The following UBE2G1 variants were observed in gnomAD, a reference collection of about 807,000 sequenced individuals.
The protein encoded by UBE2G1 is ubiquitin conjugating enzyme E2 G1, also known as ubiquitin-conjugating enzyme E2 G1.
Under a neutral mutation model 22.7 loss-of-function variants are expected in UBE2G1, and 5 were observed. That is an observed-to-expected ratio of 0.22 (90% CI 0.12 to 0.46). The LOEUF (loss-of-function observed/expected upper bound fraction) is 0.46, where lower values mean the gene tolerates loss of function less well. Ranked by LOEUF, UBE2G1 falls within the 20% of genes least tolerant of loss-of-function variation. The pLI is 0.99. For missense variants in UBE2G1, 88 were observed against 203.9 expected, an observed-to-expected ratio of 0.43 and a Z score of 3.46; for synonymous variants, 74 against 67.5, an observed-to-expected ratio of 1.10 and a Z score of -0.47.
intron 1 of UBE2G1, chr17:4,364,535 G>T (rs1403695149): frequency 6.6e-6 from 1 of 151,268 alleles, no homozygotes. Context: ...TGATCCGCCC[G>T]CCTCGGCCTC....
intron 2 of UBE2G1, among the ~76,000 whole-genome samples, chr17:4,303,324 A>G (rs1969208537): frequency 6.6e-6 from 1 of 152,246 alleles, no homozygotes; most frequent in Non-Finnish European, 1.5e-5. Context: ...TAGTAACTAC[A>G]AAGTGTCCTT....
In UBE2G1 at chr17:4,325,092, A is replaced by C. The variant is rs752690197; in HGVS notation, c.47-17969T>G. ...ACTCCGTCTCAAAAAAACCAACCAA[A>C]CAAACAAAAAAAACAAAAAACAAAA... On this transcript the variant is annotated intron_variant, in intron 1 of 5. Coordinates refer to ENST00000396981, the MANE Select transcript of UBE2G1 (RefSeq NM_003342.5). Among the ~76,000 whole-genome samples the C allele has an allele frequency of 2.9e-4, 44 of 149,826 alleles. 1 individual carries two copies. Among genetic ancestry groups the C allele is most frequent in the South Asian group, 1.9e-3 (9 of 4,816 alleles).
chr17:4,344,438 G>C (rs908491043), intron 1 of UBE2G1, among the ~76,000 whole-genome samples: 1 of 151,960 alleles, frequency 6.6e-6, no homozygotes, highest in African/African-American at 2.4e-5. Flanking sequence ...TACTCGGGAG[G>C]CTGAGGCAGG....
At chr17:4,359,776 C>T (rs181114541) in intron 1 of UBE2G1, among the ~76,000 whole-genome samples, 2 of 150,052 alleles carry the variant, frequency 1.3e-5, no homozygotes, top group Non-Finnish European at 3.0e-5. Context: ...CACTTGAACC[C>T]GGGAGGCAGA....
chr17:4,344,965 G>A (rs1969753034), intron 1 of UBE2G1, among the ~76,000 whole-genome samples: 1 of 152,166 alleles, frequency 6.6e-6, no homozygotes, highest in Non-Finnish European at 1.5e-5. Context: ...ATTCAAAAAT[G>A]TTTATGTGGC....
chr17:4,319,517 T>C (rs181329944), intron 1 of UBE2G1, among the ~76,000 whole-genome samples: 13 of 152,308 alleles, frequency 8.5e-5, no homozygotes, highest in Non-Finnish European at 1.5e-5. Context: ...AAGTAGATGC[T>C]TGAACCCAGG....
intron 1 of UBE2G1, among the ~76,000 whole-genome samples, chr17:4,329,266 G>T (rs1368246090): frequency 1.3e-5 from 2 of 152,054 alleles, no homozygotes; most frequent in Non-Finnish European, 2.9e-5. Context: ...AGGCGTGGTG[G>T]AGTGTGCCTG....
chr17:4,287,358 T>A (rs1385822082), intron 4 of UBE2G1, among the ~76,000 whole-genome samples: 2 of 152,052 alleles, frequency 1.3e-5, no homozygotes, highest in Admixed American at 1.3e-4. Context: ...CACCTCGGCC[T>A]CCCAAACGGC....
chr17:4,275,965 T>G (rs1968816816), intron 5 of UBE2G1, among the ~76,000 whole-genome samples: 1 of 152,132 alleles, frequency 6.6e-6, no homozygotes, highest in Non-Finnish European at 1.5e-5. Context: ...GAGAACTCAC[T>G]CTCCTAACTC....
At chr17:4,348,694 A>G (rs949552713) in intron 1 of UBE2G1, among the ~76,000 whole-genome samples, 9 of 143,988 alleles carry the variant, frequency 6.3e-5, no homozygotes, top group Non-Finnish European at 9.1e-5. Context: ...ACACCCCACC[A>G]CTACTAAAAT....
chr17:4,332,762 T>C (rs991762746), intron 1 of UBE2G1, among the ~76,000 whole-genome samples: 2 of 152,232 alleles, frequency 1.3e-5, no homozygotes, highest in African/African-American at 4.8e-5. Flanking sequence ...GTCAGCCCCA[T>C]TTCAGGGCCC....
chr17:4,366,280 G>T lies in UBE2G1; in HGVS notation c.37C>A (p.Gln13Lys). 1 of 1,555,696 alleles carries T rather than the reference G, an allele frequency of 6.4e-7. No homozygotes were observed. The change falls in exon 1 of 6, where the codon CAG becomes AAG. Residue 13 changes from glutamine (Q) to lysine (K), a missense_variant. This residue lies in a region of UBE2G1 where 50 missense variants were observed against 71.0 expected (regional missense o/e 0.70). Transcript: ENST00000396981. ...ELQSALLLRR[Q>K]LAELNKNPVE... ...CCGCCCGCCTGCTCACCTGCCAGCT[G>T]TCTTCGCAGTAGCAGTGCCGACTGC...
chr17:4,346,094 C>A (rs1177090287), intron 1 of UBE2G1, among the ~76,000 whole-genome samples: 1 of 152,178 alleles, frequency 6.6e-6, no homozygotes, highest in Non-Finnish European at 1.5e-5. Context: ...ATAAAAATGA[C>A]TAACCTTAAA....
intron 2 of UBE2G1, among the ~76,000 whole-genome samples, chr17:4,298,452 C>T (rs974470596): frequency 2.0e-5 from 3 of 152,198 alleles, no homozygotes; most frequent in African/African-American, 7.2e-5. Flanking sequence ...CTTTTACTCT[C>T]TGCTCTTTTT....
intron 5 of UBE2G1, among the ~76,000 whole-genome samples, chr17:4,276,976 G>C (rs1282263414): frequency 6.6e-6 from 1 of 152,176 alleles, no homozygotes; most frequent in African/African-American, 2.4e-5. Flanking sequence ...CTGAATGCAG[G>C]TAAGCACCAG....
chr17:4,323,244 G>A (rs999601246), intron 1 of UBE2G1, among the ~76,000 whole-genome samples: 15 of 152,128 alleles, frequency 9.9e-5, no homozygotes, highest in Non-Finnish European at 2.9e-5. Flanking sequence ...AAAAAATTGA[G>A]CGATGTTAAG....
chr17:4,316,938 TAAAAA>T (rs33950725), intron 1 of UBE2G1, among the ~76,000 whole-genome samples: 5 of 134,342 alleles, frequency 3.7e-5, no homozygotes, highest in Admixed American at 2.2e-4. Flanking sequence ...GTCTCTTGAA[TAAAAA>T]AAAAAAAAAA....
At chr17:4,361,558 T>C (rs564240226) in intron 1 of UBE2G1, among the ~76,000 whole-genome samples, 3 of 151,898 alleles carry the variant, frequency 2.0e-5, no homozygotes, top group South Asian at 2.1e-4. Context: ...AATAAATATA[T>C]AAAGTACTCA....
At chr17:4,340,796 T>TG (rs1056346052) in intron 1 of UBE2G1, among the ~76,000 whole-genome samples, 4 of 150,506 alleles carry the variant, frequency 2.7e-5, no homozygotes, top group African/African-American at 7.4e-5. Flanking sequence ...TAAATAGAGA[T>TG]GGGGTCTCAC....
Sources: allele counts gnomAD v4.1 joint callset (sites outside exome capture counted in the v4.1 genomes callset), GRCh38; gene constraint gnomAD v4.1.1; regional missense constraint gnomAD v4.1.1; transcripts MANE v1.5; gene names NCBI Gene and HGNC (gene_info 2026-07-23, HGNC 2026-07-21).